Variants in TAF3 observed in about 807,000 individuals in gnomAD.
The protein encoded by TAF3 is transcription initiation factor TFIID subunit 3.
Under a neutral mutation model 80.6 loss-of-function variants are expected in TAF3, and 7 were observed. The ratio of observed to expected loss-of-function variants is 0.09; its 90% CI spans 0.05 to 0.16. The LOEUF is 0.16. Among genes scored for constraint, TAF3 ranks in the 10% least tolerant of loss-of-function variants. TAF3 has a pLI of 1.00. For synonymous variants in TAF3, 444 were observed against 446.1 expected (o/e 1.00, Z 0.06); for missense variants, 921 against 1,140.2 (o/e 0.81, Z 2.77).
At chr10:7,861,493 A>C (rs1290587439) in intron 2 of TAF3, among the ~76,000 whole-genome samples, 1 of 152,180 alleles carries the variant, frequency 6.6e-6, no homozygotes, top group East Asian at 1.9e-4. Flanking sequence ...TGATGGGACA[A>C]GTCAGGTTCA....
At chr10:7,885,273 C>CACA (rs398012750) in intron 2 of TAF3, among the ~76,000 whole-genome samples, 2 of 150,242 alleles carry the variant, frequency 1.3e-5, no homozygotes, top group Non-Finnish European at 1.5e-5. Context: ...CACACACACA[C>CACA]CCCCACACAC....
chr10:7,957,523 A>G (rs1161112647), intron 2 of TAF3, among the ~76,000 whole-genome samples: 8 of 152,202 alleles, frequency 5.3e-5, no homozygotes, highest in Admixed American at 5.2e-4. Flanking sequence ...TTTTCAGAAT[A>G]CTCTCAAGAT....
At chr10:7,900,622 A>G (rs1445789667) in intron 2 of TAF3, among the ~76,000 whole-genome samples, 1 of 152,244 alleles carries the variant, frequency 6.6e-6, no homozygotes, top group Non-Finnish European at 1.5e-5. Flanking sequence ...GAAAAGGTAG[A>G]AAGTTATGAA....
chr10:7,863,698 T>TATACACACAC (rs1189240292), intron 2 of TAF3, among the ~76,000 whole-genome samples: 7 of 111,020 alleles, frequency 6.3e-5, no homozygotes, highest in East Asian at 2.7e-4. Flanking sequence ...CACACATATA[T>TATACACACAC]ATATATACAC....
chr10:7,847,181 A>T (rs897113297), intron 2 of TAF3, among the ~76,000 whole-genome samples: 1 of 152,230 alleles, frequency 6.6e-6, no homozygotes, highest in African/African-American at 2.4e-5. Flanking sequence ...GGGTCTTCAG[A>T]TTACAACATC....
chr10:7,993,688 T>C (rs1413853035), intron 4 of TAF3, among the ~76,000 whole-genome samples: 3 of 152,214 alleles, frequency 2.0e-5, no homozygotes, highest in East Asian at 3.8e-4. Flanking sequence ...TATATACTTC[T>C]TATTACTTCA....
intron 1 of TAF3, among the ~76,000 whole-genome samples, chr10:7,823,466 A>G (rs1836709178): frequency 6.6e-6 from 1 of 151,700 alleles, no homozygotes; most frequent in South Asian, 2.1e-4. Context: ...ACTCATCTCT[A>G]CAAAATTAAA....
At position 7,964,004 on chromosome 10, in the gene TAF3, A is replaced by C; in HGVS notation, c.494A>C (p.Glu165Ala). 1 of 1,614,116 alleles carries C rather than the reference A, an allele frequency of 6.2e-7. No individual in the cohort carries two copies. The highest frequency in any genetic ancestry group is 1.1e-5 in the South Asian group (1 of 91,076). The change falls in exon 3 of 7, where the codon GAG (glutamate) becomes GCG (alanine). Residue 165 changes from glutamate (E) to alanine (A), a missense_variant. By Grantham distance (107) the Glu-to-Ala change is moderately radical. Transcript: ENST00000344293. This position sits in a 1 kb window ranked among gnomAD's most constrained non-coding sequence, Gnocchi z 4.1. ...CCCTTGGAAGAAGATGATGAATTGG[A>C]GGAGGAAGAAATTATTAATGATGAG... Reference protein sequence around the residue: ...QVPLEEDDELEEEEIINDENF... With the variant: ...QVPLEEDDELAEEEIINDENF...
chr10:7,926,974 A>G (rs190732358), intron 2 of TAF3, among the ~76,000 whole-genome samples: 1 of 152,282 alleles, frequency 6.6e-6, no homozygotes, highest in Non-Finnish European at 1.5e-5. Context: ...TGAGAATCCA[A>G]AGATGAAAGT....
In TAF3 at chr10:7,818,527, A is replaced by C; in HGVS notation, c.-183A>C. The C allele has an allele frequency of 9.0e-6, 5 of 553,136 alleles. No individual in the cohort carries two copies. The highest frequency in any genetic ancestry group is 1.5e-5 in the Non-Finnish European group (5 of 336,084). 34.3% of individuals were successfully genotyped at this position (553,136 alleles called of 1,614,324 possible). ...TCCAGCGGGAGGCGGAGCGAGTCCA[A>C]AATGGCGGCTCTCAGGCTGGCGCGC... On this transcript the variant is annotated 5_prime_UTR_variant, in exon 1 of 7. Transcript: ENST00000344293.
At chr10:7,833,198 T>C (rs1208633247) in intron 2 of TAF3, among the ~76,000 whole-genome samples, 1 of 152,232 alleles carries the variant, frequency 6.6e-6, no homozygotes, top group Non-Finnish European at 1.5e-5. Flanking sequence ...ACATAATCTT[T>C]TCAAATCTTT....
At chr10:7,907,137 T>G (rs935964674) in intron 2 of TAF3, among the ~76,000 whole-genome samples, 11 of 152,174 alleles carry the variant, frequency 7.2e-5, no homozygotes, top group Non-Finnish European at 1.6e-4. Context: ...CTGGCACATA[T>G]GGAGTAGCAG....
At chr10:7,966,630 C>G (rs989698011) in intron 3 of TAF3, among the ~76,000 whole-genome samples, 1 of 152,148 alleles carries the variant, frequency 6.6e-6, no homozygotes, top group African/African-American at 2.4e-5. Context: ...TGATCCTTTC[C>G]CTGCCCTCTA....
At chr10:7,890,341 C>T (rs1202476867) in intron 2 of TAF3, among the ~76,000 whole-genome samples, 1 of 152,158 alleles carries the variant, frequency 6.6e-6, no homozygotes, top group Non-Finnish European at 1.5e-5. Flanking sequence ...TTGGTATAGC[C>T]CTTTATCATG....
chr10:7,823,146 A>G (rs1411787186), intron 1 of TAF3, among the ~76,000 whole-genome samples: 1 of 152,108 alleles, frequency 6.6e-6, no homozygotes, highest in Non-Finnish European at 1.5e-5. Flanking sequence ...TTTATGATCT[A>G]AGCCTTCTTT....
Position 7,965,581 on chromosome 10 carries a change from GA to G in TAF3, c.2072del (p.Glu691GlyfsTer6). ...LLPVLPEKLF[E>X]EKEKVKEKEK... ...GCCAGTGCTTCCGGAAAAACTGTTT[GA>G]GGAGAAAGAGAAGGTGAAGGAGAAA... On this transcript the variant is annotated frameshift_variant, in exon 3 of 7. Coordinates refer to ENST00000344293, the MANE Select transcript of TAF3 (RefSeq NM_031923.4). LOFTEE classifies it high-confidence loss of function. The G allele has an allele frequency of 6.3e-7, 1 of 1,599,096 alleles. No individual in the cohort carries two copies. The highest frequency in any genetic ancestry group is 1.8e-5 in the Admixed American group (1 of 56,142).
chr10:7,968,605 T>A (rs1161237769), intron 3 of TAF3, among the ~76,000 whole-genome samples: 2 of 152,212 alleles, frequency 1.3e-5, no homozygotes, highest in African/African-American at 2.4e-5. Flanking sequence ...CCAAACACCA[T>A]GCTAAGCACT....
chr10:7,990,464 T>C (rs540590477), intron 4 of TAF3, among the ~76,000 whole-genome samples: 1 of 152,334 alleles, frequency 6.6e-6, no homozygotes, highest in Admixed American at 6.5e-5. Context: ...TCAAAGTACG[T>C]GGTCAGGGTA....
At chr10:7,986,004 A>G (rs1831773647) in intron 4 of TAF3, among the ~76,000 whole-genome samples, 1 of 151,788 alleles carries the variant, frequency 6.6e-6, no homozygotes, top group East Asian at 1.9e-4. Flanking sequence ...GGCTGGCCTC[A>G]AACTCCTGAC....
Sources: allele counts gnomAD v4.1 joint callset (sites outside exome capture counted in the v4.1 genomes callset), GRCh38; gene constraint gnomAD v4.1.1; non-coding constraint Gnocchi (gnomAD v3.1); transcripts MANE v1.5; gene names NCBI Gene and HGNC (gene_info 2026-07-23, HGNC 2026-07-21).